The following IKZF2 variants were observed in gnomAD, a reference collection of about 807,000 sequenced individuals.
IKZF2 encodes the protein zinc finger protein Helios.
Under a neutral mutation model 49.2 loss-of-function variants are expected in IKZF2, and 15 were observed. That is an observed-to-expected ratio of 0.30 (90% confidence interval 0.20 to 0.47). IKZF2 has a LOEUF of 0.47. Among genes scored for constraint, IKZF2 ranks in the 20% least tolerant of loss-of-function variants. The pLI is 1.00. For missense variants in IKZF2, 567 were observed against 664.6 expected (o/e 0.85, Z 1.61); for synonymous variants, 227 against 221.4 (o/e 1.03, Z -0.23).
intron 4 of IKZF2, among the ~76,000 whole-genome samples, chr2:213,114,429 T>A (rs1037881668): frequency 2.0e-5 from 3 of 152,174 alleles, no homozygotes; most frequent in African/African-American, 7.2e-5. Context: ...TTGGATGGAC[T>A]TGAGAAATGG....
chr2:213,041,069 G>A (rs1699592414), intron 6 of IKZF2, among the ~76,000 whole-genome samples: 3 of 151,756 alleles, frequency 2.0e-5, no homozygotes, highest in South Asian at 2.1e-4. Flanking sequence ...AGTGAGCCGA[G>A]ATCACGCCAC....
intron 4 of IKZF2, among the ~76,000 whole-genome samples, chr2:213,077,484 T>G (rs191832627): frequency 6.6e-6 from 1 of 151,930 alleles, no homozygotes; most frequent in Admixed American, 6.5e-5. Flanking sequence ...AAGTATGAAC[T>G]ATAAAAATGG....
At chr2:213,136,362 C>T (rs1574970507) in intron 4 of IKZF2, among the ~76,000 whole-genome samples, 1 of 86,736 alleles carries the variant, frequency 1.2e-5, no homozygotes. Flanking sequence ...CAGAGCGGGA[C>T]ACTGTCTCAA....
chr2:213,151,998 GGCCGCGTCGCCCCCA>G (rs976231641), upstream of IKZF2: 1 of 151,876 alleles, frequency 6.6e-6, no homozygotes, highest in Non-Finnish European at 1.5e-5. Context: ...CCGCGCGCCC[GGCCGCGTCGCCCCCA>G]GCCCGTTGGT....
At chr2:213,135,778 A>G (rs909639704) in intron 4 of IKZF2, among the ~76,000 whole-genome samples, 12 of 151,948 alleles carry the variant, frequency 7.9e-5, no homozygotes, top group African/African-American at 2.9e-4. Flanking sequence ...AAGAGAAGAC[A>G]AGACAAGAGA....
At chr2:213,046,131 T>C (rs906377279) in intron 6 of IKZF2, among the ~76,000 whole-genome samples, 4 of 152,178 alleles carry the variant, frequency 2.6e-5, no homozygotes, top group Non-Finnish European at 5.9e-5. Flanking sequence ...TACTTGCTAA[T>C]GAACTTTGGT....
At position 213,046,962 on chromosome 2, in the gene IKZF2, C is replaced by T. The variant is rs376215577; in HGVS notation, c.574+2751G>A. Among the ~76,000 whole-genome samples the T allele has an allele frequency of 9.9e-4, 151 of 152,190 alleles. 2 individuals carry two copies. In the South Asian group the frequency reaches 0.016, roughly 17 times the overall value. ...TTCTCTATGACTGATTTAACTACCA[C>T]CACTGCTGAGCTCACAATTTTCCAG... On this transcript the variant is annotated intron_variant, in intron 6 of 8. Transcript: ENST00000434687.
intron 6 of IKZF2, among the ~76,000 whole-genome samples, chr2:213,026,256 C>T (rs1697808103): frequency 6.6e-6 from 1 of 152,116 alleles, no homozygotes; most frequent in African/African-American, 2.4e-5. Context: ...CACTTCCAAC[C>T]TCCTTAACTC....
chr2:213,032,143 G>T (rs1322958282), intron 6 of IKZF2, among the ~76,000 whole-genome samples: 1 of 152,080 alleles, frequency 6.6e-6, no homozygotes, highest in Non-Finnish European at 1.5e-5. Flanking sequence ...TCATTATGGG[G>T]AATAAAAAGT....
At position 213,083,246 on chromosome 2, in the gene IKZF2, G is replaced by A. The variant is rs557062027; in HGVS notation, c.140-26147C>T. 1.4e-4 allele frequency among the ~76,000 whole-genome samples: 22 copies of A among 152,198 alleles called. 1 individual carries two copies. In the South Asian group the frequency reaches 3.7e-3, roughly 26 times the overall value. On this transcript the variant is annotated intron_variant, in intron 4 of 8. Coordinates refer to ENST00000434687, the MANE Select transcript of IKZF2 (RefSeq NM_001387220.1). ...CAAACCCCAGGCCAGGGACCAGTAGGAACCAGTAGGAAACTGGTCACATAG... is the reference window on the plus strand; with the variant it reads ...CAAACCCCAGGCCAGGGACCAGTAGAAACCAGTAGGAAACTGGTCACATAG...
Position 213,147,805 on chromosome 2 carries a change from A to G in IKZF2, c.42T>C (p.Asn14=), listed in dbSNP as rs767220818. 1 of 1,609,350 alleles carries G rather than the reference A, an allele frequency of 6.2e-7. No homozygotes were observed. The highest frequency in any genetic ancestry group is 2.2e-5 in the East Asian group (1 of 44,866). Residue 14 remains asparagine (N), a synonymous_variant, in exon 4 of 9, where the codon AAT becomes AAC. Transcript: ENST00000434687. Reference sequence around the variant, plus strand: ...AGTGCTCCCTTTCGGGTGAAAGCTCATTGTCACCTGCTTTCACAAAATATA... The same window carrying G: ...AGTGCTCCCTTTCGGGTGAAAGCTCGTTGTCACCTGCTTTCACAAAATATA... ...EAIDGYITCD[N]ELSPEREHSN... is the part of the protein sequence containing the mutation.
chr2:213,051,474 TC>T (rs1700668016), intron 5 of IKZF2, among the ~76,000 whole-genome samples: 1 of 151,986 alleles, frequency 6.6e-6, no homozygotes, highest in East Asian at 1.9e-4. Context: ...ATGTTAAAGT[TC>T]CCTTAAGTGG....
intron 4 of IKZF2, among the ~76,000 whole-genome samples, chr2:213,145,185 A>AAAT (rs1244307171): frequency 6.6e-6 from 1 of 151,592 alleles, no homozygotes; most frequent in Non-Finnish European, 1.5e-5. Flanking sequence ...AAAAAAAAAA[A>AAAT]AAATTTACTT....
chr2:213,098,023 T>C lies in IKZF2; in HGVS notation c.140-40924A>G, dbSNP rs149339196. 6.4e-4 allele frequency: 157 copies of C among 244,008 alleles called. 1 individual carries two copies. The highest frequency in any genetic ancestry group is 3.3e-3 in the African/African-American group (148 of 44,212). The allele number at this position is 244,008 out of a possible 1,614,324, so 15.1% of individuals were successfully genotyped here. On this transcript the variant is annotated intron_variant, in intron 4 of 8. Transcript: ENST00000434687. ...AAAACAGTTAACATGAATTAATCAA[T>C]CTCAAAAAAGTCACAGAAGTTAGGT...
In IKZF2 at chr2:213,007,994, A is replaced by C; in HGVS notation, c.947T>G (p.Met316Arg). The C allele has an allele frequency of 6.2e-7, 1 of 1,613,508 alleles. No homozygotes were observed. Among genetic ancestry groups the C allele is most frequent in the Non-Finnish European group, 8.5e-7 (1 of 1,179,726 alleles). The change falls in exon 9 of 9, where the codon ATG becomes AGG. Residue 316 changes from methionine (M) to arginine (R), a missense_variant. By Grantham distance (91) the Met-to-Arg change is moderately conservative. This residue lies in a region of IKZF2 where 310 missense variants were observed against 326.9 expected (regional missense o/e 0.95). Transcript: ENST00000434687. ...EKEAELMQSH[M>R]MDQAINNAIT... is the part of the protein sequence containing the mutation. The stretch of plus-strand genomic sequence containing the variant: ...TGCATTGTTGATGGCTTGGTCCATC[A>C]TATGAGACTGCATCAGCTCAGCCTC...
chr2:213,144,749 A>T (rs6747303), intron 4 of IKZF2, among the ~76,000 whole-genome samples: 144,316 of 151,968 alleles, frequency 0.95, 68,552 homozygotes, highest in East Asian at 1. Flanking sequence ...CATCTTCTTA[A>T]CAAAGACATC....
chr2:213,005,194 G>C lies in IKZF2; in HGVS notation c.*2166C>G, dbSNP rs1172287416. ...TTATTATTTGGGAGTGGTTGGGTGG[G>C]GGGGGGTGAGCGAGTCTCAAAAACA... On this transcript the variant is annotated 3_prime_UTR_variant, in exon 9 of 9. Coordinates refer to ENST00000434687, the MANE Select transcript of IKZF2 (RefSeq NM_001387220.1). The C allele has an allele frequency of 7.5e-6, 1 of 133,248 alleles. No homozygotes were observed. Among genetic ancestry groups the C allele is most frequent in the East Asian group, 2.7e-4 (1 of 3,692 alleles). The allele number at this position is 133,248 out of a possible 1,614,324, so 8.3% of individuals were successfully genotyped here. A position where few individuals can be genotyped will look rare whatever the true frequency, so the allele number is the denominator to read the frequency against.
intron 4 of IKZF2, among the ~76,000 whole-genome samples, chr2:213,091,535 G>C (rs1413881153): frequency 2.0e-5 from 3 of 152,160 alleles, no homozygotes; most frequent in Admixed American, 6.6e-5. Flanking sequence ...TCAAACCTGT[G>C]CATGACACAC....
At chr2:213,030,966 C>T (rs1698365759) in intron 6 of IKZF2, among the ~76,000 whole-genome samples, 3 of 152,126 alleles carry the variant, frequency 2.0e-5, no homozygotes, top group South Asian at 4.1e-4. Context: ...GCTGGGACTA[C>T]AGGCACGTGC....
Sources: gnomAD v4.1 joint callset for allele counts (sites outside exome capture counted in the v4.1 genomes callset) on GRCh38, gnomAD v4.1.1 for gene constraint, gnomAD v4.1.1 regional missense constraint, MANE v1.5 for transcripts, NCBI Gene and HGNC (gene_info 2026-07-23, HGNC 2026-07-21) for gene names.